The following SNX6 variants were observed in gnomAD, a reference collection of about 807,000 sequenced individuals.
SNX6 encodes sorting nexin-6.
In SNX6, 34 loss-of-function variants were observed where a neutral mutation model predicts 63.0. The ratio of observed to expected loss-of-function variants is 0.54; its 90% CI spans 0.41 to 0.72. The LOEUF is 0.72. SNX6 is among the 30% of genes least tolerant of loss of function. The pLI is 0.00. For synonymous variants in SNX6, 170 were observed against 164.2 expected (o/e 1.04, Z -0.27); for missense variants, 398 against 471.4 (o/e 0.84, Z 1.44).
chr14:34,592,883 A>G (rs941524070), intron 8 of SNX6, among the ~76,000 whole-genome samples, 162 bp downstream of exon 8: 2 of 152,210 alleles, frequency 1.3e-5, no homozygotes, highest in African/African-American at 4.8e-5. Context: ...AGCTGAAAAT[A>G]GTTTTGACCT....
chr14:34,619,427 AATATAT>A (rs1044388533), intron 2 of SNX6, among the ~76,000 whole-genome samples: 1 of 150,916 alleles, frequency 6.6e-6, no homozygotes, highest in African/African-American at 2.4e-5. Context: ...GTCTCAAAAA[AATATAT>A]ATATATATAT....
At chr14:34,618,284 A>G (rs772734878) in intron 2 of SNX6, among the ~76,000 whole-genome samples, 1 of 152,188 alleles carries the variant, frequency 6.6e-6, no homozygotes, top group Non-Finnish European at 1.5e-5. Flanking sequence ...ACCAGGCACT[A>G]TAAAATCTCC....
At chr14:34,624,844 C>G (rs1360433402) in intron 2 of SNX6, among the ~76,000 whole-genome samples, 1 of 151,988 alleles carries the variant, frequency 6.6e-6, no homozygotes, top group African/African-American at 2.4e-5. Context: ...ACATGAAATG[C>G]TAGTTATTAT....
At chr14:34,582,531 C>T (rs945699508) in intron 9 of SNX6, among the ~76,000 whole-genome samples, 1 of 151,706 alleles carries the variant, frequency 6.6e-6, no homozygotes, top group Non-Finnish European at 1.5e-5. Flanking sequence ...CAGCCTAAGC[C>T]ATACATTAAA....
At chr14:34,569,198 G>A in intron 11 of SNX6, 1 of 695,732 alleles carries the variant, frequency 1.4e-6, no homozygotes, top group Non-Finnish European at 2.6e-6. Context: ...GTAACAGCTT[G>A]ATAGTCCATG....
At chr14:34,605,262 T>C (rs1355593395) in intron 5 of SNX6, among the ~76,000 whole-genome samples, 1 of 151,940 alleles carries the variant, frequency 6.6e-6, no homozygotes, top group African/African-American at 2.4e-5. Flanking sequence ...CTTTAAAAAG[T>C]CATGTTCTCT....
intron 2 of SNX6, among the ~76,000 whole-genome samples, chr14:34,618,740 C>G (rs762684949): frequency 7.2e-5 from 11 of 152,074 alleles, no homozygotes; most frequent in Non-Finnish European, 1.5e-4. Flanking sequence ...CCCCCAGATA[C>G]GTATCTGCAC....
intron 2 of SNX6, among the ~76,000 whole-genome samples, chr14:34,618,606 C>A (rs568547405): frequency 6.6e-6 from 1 of 152,176 alleles, no homozygotes; most frequent in East Asian, 1.9e-4. Flanking sequence ...CCACCTTGGC[C>A]TCTCAAGTGC....
intron 8 of SNX6, among the ~76,000 whole-genome samples, chr14:34,588,007 CT>C (rs1159746973): frequency 6.3e-4 from 87 of 137,418 alleles, no homozygotes; most frequent in Admixed American, 5.9e-4. Context: ...GATGGGGTTT[CT>C]TTTTTTTTTT....
intron 3 of SNX6, 118 bp from the exon 4 acceptor site, chr14:34,608,258 G>C (rs1883096573): frequency 3.8e-6 from 2 of 532,384 alleles, no homozygotes; most frequent in Admixed American, 3.2e-5. Flanking sequence ...GCTCACTGCA[G>C]CCTCAACCTC....
chr14:34,604,093 T>C lies in SNX6; in HGVS notation c.393-622A>G, dbSNP rs1321818888. 12 of 1,171,380 alleles carry C rather than the reference T, an allele frequency of 1.0e-5. No individual in the cohort carries two copies. In the South Asian group the frequency reaches 1.9e-4, roughly 19 times the overall value. The allele number at this position is 1,171,380 out of a possible 1,614,324, so 72.6% of individuals were successfully genotyped here. The stretch of plus-strand genomic sequence containing the variant: ...AAACATTCAAGGAAAAGGCTTGATA[T>C]TCTTGCTTCAACTACGTGCAAGAAG... On this transcript the variant is annotated intron_variant, in intron 5 of 13. Coordinates refer to ENST00000362031, the MANE Select transcript of SNX6 (RefSeq NM_152233.4).
intron 2 of SNX6, among the ~76,000 whole-genome samples, chr14:34,624,884 G>C (rs1266254267): frequency 1.3e-5 from 2 of 152,070 alleles, no homozygotes. Context: ...TTTGCAACTT[G>C]TATCAATATG....
intron 11 of SNX6, among the ~76,000 whole-genome samples, chr14:34,574,440 A>G (rs1881597433): frequency 6.6e-6 from 1 of 151,660 alleles, no homozygotes; most frequent in African/African-American, 2.4e-5. Flanking sequence ...ACCTGAGGTC[A>G]GGAGTTCGAG....
At position 34,628,384 on chromosome 14, in the gene SNX6, G is replaced by A. The variant is rs528385636; in HGVS notation, c.54+1523C>T. Among the ~76,000 whole-genome samples the A allele has an allele frequency of 3.5e-4, 54 of 152,250 alleles. No individual in the cohort carries two copies. In the East Asian group the frequency reaches 8.3e-3, roughly 23 times the overall value. ...TGAGGCAGGAGAATGGCGTGAACCCGGGAGGCGGAGCTTGCAGTGAGCCAA... is the reference window on the plus strand; with the variant it reads ...TGAGGCAGGAGAATGGCGTGAACCCAGGAGGCGGAGCTTGCAGTGAGCCAA... On this transcript the variant is annotated intron_variant, in intron 2 of 13. Transcript: ENST00000362031.
chr14:34,621,940 G>A (rs185428346), intron 2 of SNX6, among the ~76,000 whole-genome samples: 36 of 145,844 alleles, frequency 2.5e-4, no homozygotes, highest in African/African-American at 7.9e-4. Context: ...TTTCACCTGG[G>A]CATGTCTTTC....
chr14:34,565,170 C>T (rs1010944065), intron 13 of SNX6, among the ~76,000 whole-genome samples: 3 of 151,312 alleles, frequency 2.0e-5, no homozygotes, highest in Admixed American at 6.6e-5. Flanking sequence ...CTCTGTCTCC[C>T]GGGTTCACGC....
At chr14:34,567,540 A>C in intron 13 of SNX6, 146 bp downstream of exon 13, 1 of 711,268 alleles carries the variant, frequency 1.4e-6, no homozygotes, top group Non-Finnish European at 2.3e-6. Context: ...AAGCAGTGAA[A>C]TAATCTTGGA....
chr14:34,601,017 A>G (rs992134395), intron 6 of SNX6, among the ~76,000 whole-genome samples: 1 of 152,010 alleles, frequency 6.6e-6, no homozygotes, highest in Non-Finnish European at 1.5e-5. Flanking sequence ...CTGCCTCAAA[A>G]AAAAAAAAAG....
chr14:34,623,193 A>G (rs1883692771), intron 2 of SNX6, among the ~76,000 whole-genome samples: 1 of 152,210 alleles, frequency 6.6e-6, no homozygotes, highest in African/African-American at 2.4e-5. Context: ...GTTTAAGCTA[A>G]AAAGTGTGCA....
Sources: gnomAD v4.1 joint callset for allele counts (sites outside exome capture counted in the v4.1 genomes callset) on GRCh38, gnomAD v4.1.1 for gene constraint, MANE v1.5 for transcripts, NCBI Gene and HGNC (gene_info 2026-07-23, HGNC 2026-07-21) for gene names.